HELLS: variants seen among roughly 807,000 people sequenced by gnomAD.
HELLS encodes the protein lymphoid-specific helicase.
Under a neutral mutation model 120.0 loss-of-function variants are expected in HELLS, and 32 were observed. That is an observed-to-expected ratio of 0.27 (90% CI 0.20 to 0.36). The LOEUF (loss-of-function observed/expected upper bound fraction) is 0.36. HELLS is among the 10% of genes least tolerant of loss of function. HELLS has a pLI of 1.00. For synonymous variants in HELLS, 341 were observed against 323.4 expected (o/e 1.05, Z -0.58); for missense variants, 650 against 993.4 (o/e 0.65, Z 4.65).
chr10:94,605,956 T>A (rs1459143046), downstream of HELLS, among the ~76,000 whole-genome samples: 1 of 152,094 alleles, frequency 6.6e-6, no homozygotes, highest in Admixed American at 6.6e-5. Context: ...ATTTCCAGTC[T>A]GTTGAAGGTG....
At chr10:94,566,793 T>C (rs1843821404) in intron 6 of HELLS, among the ~76,000 whole-genome samples, 1 of 152,056 alleles carries the variant, frequency 6.6e-6, no homozygotes, top group African/African-American at 2.4e-5. Flanking sequence ...CGCCTGGGAC[T>C]ACAGGCACGT....
chr10:94,590,923 G>A (rs1845456746), intron 15 of HELLS, 147 bp downstream of exon 15: 2 of 473,852 alleles, frequency 4.2e-6, no homozygotes, highest in Non-Finnish European at 3.5e-6. Context: ...AGCTGAGACA[G>A]TCTTCTTTCC....
intron 6 of HELLS, among the ~76,000 whole-genome samples, chr10:94,563,785 C>T (rs902853029): frequency 6.6e-6 from 1 of 151,182 alleles, no homozygotes; most frequent in Admixed American, 6.6e-5. Flanking sequence ...CCAGTGTGCC[C>T]AGCTTTTTGT....
intron 10 of HELLS, among the ~76,000 whole-genome samples, chr10:94,578,625 C>T (rs1288891006): frequency 2.0e-5 from 3 of 151,954 alleles, no homozygotes; most frequent in Admixed American, 6.6e-5. Flanking sequence ...ACCCGGGAGG[C>T]GGATGTTGCA....
chr10:94,554,002 T>G, intron 2 of HELLS, 124 bp from the exon 3 acceptor site: 1 of 827,242 alleles, frequency 1.2e-6, no homozygotes, highest in South Asian at 1.8e-5. Context: ...TTTGTTCCAG[T>G]TTTTGGTTTG....
intron 18 of HELLS, 26 bp downstream of exon 18, chr10:94,593,641 A>G: frequency 7.7e-7 from 1 of 1,292,442 alleles, no homozygotes; most frequent in South Asian, 1.2e-5. Context: ...AGCAAGGAAT[A>G]TGCTGATTAT....
intron 15 of HELLS, among the ~76,000 whole-genome samples, chr10:94,591,645 C>T (rs759325368): frequency 6.6e-5 from 10 of 152,092 alleles, no homozygotes; most frequent in Non-Finnish European, 1.2e-4. Context: ...AGTTTGCTGC[C>T]GCTGCCAAAT....
intron 3 of HELLS, among the ~76,000 whole-genome samples, chr10:94,555,524 A>G (rs1270997341): frequency 1.3e-5 from 2 of 152,214 alleles, no homozygotes; most frequent in Non-Finnish European, 2.9e-5. Context: ...CCTGGAGAGG[A>G]TGGCGCATCC....
intron 8 of HELLS, among the ~76,000 whole-genome samples, chr10:94,607,648 G>A (rs755541575): frequency 3.3e-5 from 5 of 152,116 alleles, no homozygotes; most frequent in Non-Finnish European, 7.4e-5. Flanking sequence ...CCAAGCAAAC[G>A]TGTGATGAAA....
chr10:94,585,385 G>GTTTTTT (rs10540229), intron 12 of HELLS, among the ~76,000 whole-genome samples: 3 of 122,010 alleles, frequency 2.5e-5, no homozygotes, highest in Non-Finnish European at 5.2e-5. Context: ...GTTTGTTTTT[G>GTTTTTT]TTTTTTTTTT....
intron 10 of HELLS, 168 bp downstream of exon 10, chr10:94,576,973 T>G (rs544371521): frequency 1.6e-6 from 1 of 614,630 alleles, no homozygotes; most frequent in Admixed American, 3.1e-5. Context: ...ATTAACAGAA[T>G]GATTGGGATG....
downstream of HELLS, among the ~76,000 whole-genome samples, chr10:94,605,080 C>G (rs746573217): frequency 6.9e-5 from 9 of 130,306 alleles, 1 homozygote; most frequent in Admixed American, 3.0e-4. Context: ...TCTCCCCCCC[C>G]CCCCCTTTTT....
intron 10 of HELLS, among the ~76,000 whole-genome samples, chr10:94,579,025 TG>T (rs2134070219): frequency 6.6e-6 from 1 of 152,258 alleles, no homozygotes; most frequent in East Asian, 1.9e-4. Context: ...TCCTGCTGTG[TG>T]GCCTGGTTCC....
intron 11 of HELLS, among the ~76,000 whole-genome samples, chr10:94,582,361 A>G (rs1417337944): frequency 1.3e-5 from 2 of 152,164 alleles, no homozygotes; most frequent in East Asian, 1.9e-4. Context: ...TTTTTTGAAC[A>G]TGCTTCTGGT....
intron 4 of HELLS, 129 bp from the exon 5 acceptor site, chr10:94,562,562 A>G (rs1843609925): frequency 3.2e-6 from 2 of 634,090 alleles, no homozygotes; most frequent in East Asian, 2.6e-5. Context: ...GGTAAGTATA[A>G]TAGTGAAAAA....
At chr10:94,611,517 A>G (rs1225041840) in exon 10 of HELLS, 1 of 152,220 alleles carries the variant, frequency 6.6e-6, no homozygotes, top group Non-Finnish European at 1.5e-5. Context: ...AATTCAAACC[A>G]TAGAATCATT....
At chr10:94,575,383 GCCACTGTACCT>G (rs1176075922) in intron 9 of HELLS, among the ~76,000 whole-genome samples, 1 of 151,668 alleles carries the variant, frequency 6.6e-6, no homozygotes, top group Non-Finnish European at 1.5e-5. Context: ...ATAGACGTGA[GCCACTGTACCT>G]CCCGGGCCCA....
At chr10:94,568,209 T>C (rs1438413438) in intron 6 of HELLS, among the ~76,000 whole-genome samples, 2 of 97,050 alleles carry the variant, frequency 2.1e-5, no homozygotes, top group East Asian at 5.6e-4. Flanking sequence ...CGCCTGGCCC[T>C]TTTTTTTTTT....
intron 10 of HELLS, 109 bp downstream of exon 10, chr10:94,576,914 G>C (rs919952059): frequency 1.1e-6 from 1 of 932,452 alleles, no homozygotes; most frequent in African/African-American, 1.7e-5. Context: ...TTTTGTTGTC[G>C]AAATAATAGA....
Sources: allele counts gnomAD v4.1 joint callset (sites outside exome capture counted in the v4.1 genomes callset), GRCh38; gene constraint gnomAD v4.1.1; transcripts MANE v1.5; gene names NCBI Gene and HGNC (gene_info 2026-07-23, HGNC 2026-07-21).